Variants in PRKAG2 observed in about 807,000 individuals in gnomAD.
The protein encoded by PRKAG2 is 5'-AMP-activated protein kinase subunit gamma-2.
PRKAG2 carries 26 observed loss-of-function variants against 69.6 expected under a neutral mutation model. The ratio of observed to expected loss-of-function variants is 0.37; its 90% CI spans 0.27 to 0.52. The LOEUF (loss-of-function observed/expected upper bound fraction) is 0.52, where lower values mean the gene tolerates loss of function less well. Ranked by LOEUF, PRKAG2 falls within the 20% of genes least tolerant of loss-of-function variation. PRKAG2 has a pLI of 0.90. For missense variants in PRKAG2, 557 were observed against 740.0 expected, an observed-to-expected ratio of 0.75 and a Z score of 2.87; for synonymous variants, 293 against 285.0, an observed-to-expected ratio of 1.03 and a Z score of -0.28.
chr7:151,688,971 C>A (rs1406696488), intron 3 of PRKAG2, among the ~76,000 whole-genome samples: 1 of 152,130 alleles, frequency 6.6e-6, no homozygotes, highest in Non-Finnish European at 1.5e-5. Context: ...CCATTTTGCA[C>A]CCTGAACCTC....
In PRKAG2 at chr7:151,875,904, C is replaced by A. The variant is rs376683306; in HGVS notation, c.114+603G>T. Among the ~76,000 whole-genome samples the A allele has an allele frequency of 3.4e-3, 517 of 152,150 alleles. 1 individual carries two copies. Among genetic ancestry groups the A allele is most frequent in the African/African-American group, 0.012 (486 of 41,514 alleles). The stretch of plus-strand genomic sequence containing the variant: ...CCGAGCCCCCAAATACCACAGAGAC[C>A]CAAAGTACACTCCCGGGGCGGGGGA... On this transcript the variant is annotated intron_variant, in intron 1 of 15. Coordinates refer to ENST00000287878, the MANE Select transcript of PRKAG2 (RefSeq NM_016203.4).
At chr7:151,868,987 A>T (rs1278757903) in intron 1 of PRKAG2, among the ~76,000 whole-genome samples, 4 of 152,252 alleles carry the variant, frequency 2.6e-5, no homozygotes, top group Non-Finnish European at 4.4e-5. Flanking sequence ...GCAAATAAAA[A>T]GTGCTTCCAA....
At chr7:151,738,953 T>C (rs2073670970) in intron 3 of PRKAG2, among the ~76,000 whole-genome samples, 1 of 152,062 alleles carries the variant, frequency 6.6e-6, no homozygotes, top group African/African-American at 2.4e-5. Context: ...CCAAGGGAAG[T>C]CTTCCATTCT....
chr7:151,728,040 G>A (rs942687490), intron 3 of PRKAG2, among the ~76,000 whole-genome samples: 6 of 152,126 alleles, frequency 3.9e-5, no homozygotes, highest in African/African-American at 7.2e-5. Flanking sequence ...CCGGGGGCCC[G>A]TCCTCCGTGG....
At chr7:151,586,498 G>C (rs532670572) in intron 6 of PRKAG2, among the ~76,000 whole-genome samples, 2 of 152,084 alleles carry the variant, frequency 1.3e-5, no homozygotes, top group Admixed American at 6.5e-5. Context: ...CCAATATCAC[G>C]AACAGGTTAG....
At chr7:151,570,580 A>T (rs570814070) in intron 9 of PRKAG2, among the ~76,000 whole-genome samples, 2 of 152,368 alleles carry the variant, frequency 1.3e-5, no homozygotes, top group East Asian at 3.9e-4. Flanking sequence ...TGAAGCAATT[A>T]TGAAATTTAA....
At chr7:151,703,598 C>T (rs1401284135) in intron 3 of PRKAG2, among the ~76,000 whole-genome samples, 1 of 152,084 alleles carries the variant, frequency 6.6e-6, no homozygotes, top group Non-Finnish European at 1.5e-5. Context: ...TCCATGTAAC[C>T]AGCACCCAGA....
chr7:151,612,974 TG>T (rs1253204551), intron 5 of PRKAG2, among the ~76,000 whole-genome samples: 1 of 152,146 alleles, frequency 6.6e-6, no homozygotes, highest in Non-Finnish European at 1.5e-5. Flanking sequence ...CTGCCTCCTC[TG>T]GGGGCTCCTC....
At chr7:151,793,276 G>A (rs902421073) in intron 1 of PRKAG2, among the ~76,000 whole-genome samples, 20 of 152,300 alleles carry the variant, frequency 1.3e-4, no homozygotes, top group East Asian at 3.9e-4. Flanking sequence ...GTCTCGGGGC[G>A]TGCACCGCCG....
chr7:151,725,223 C>T lies in PRKAG2; in HGVS notation c.467-49586G>A, dbSNP rs182826275. On this transcript the variant is annotated intron_variant, in intron 3 of 15. Transcript: ENST00000287878. ...GCCTTAAAAAAGAGGGGGATCCTGCCACCCGCCACCCACACACACGAAGGA... is the reference window on the plus strand; with the variant it reads ...GCCTTAAAAAAGAGGGGGATCCTGCTACCCGCCACCCACACACACGAAGGA... 3.7e-3 allele frequency among the ~76,000 whole-genome samples: 556 copies of T among 152,230 alleles called. 1 individual carries two copies. Among genetic ancestry groups the T allele is most frequent in the African/African-American group, 0.013 (541 of 41,552 alleles).
At chr7:151,688,042 G>GCTCCCCCC (rs1554539801) in intron 3 of PRKAG2, among the ~76,000 whole-genome samples, 1 of 106,980 alleles carries the variant, frequency 9.3e-6, no homozygotes, top group Non-Finnish European at 2.0e-5. Context: ...AGGAAATGAG[G>GCTCCCCCC]CCCCCCCCCG....
chr7:151,681,052 C>T (rs1833812424), intron 3 of PRKAG2, among the ~76,000 whole-genome samples: 1 of 152,180 alleles, frequency 6.6e-6, no homozygotes, highest in Non-Finnish European at 1.5e-5. Context: ...CCCTCCCCAC[C>T]CCCTGCCGAG....
intron 4 of PRKAG2, among the ~76,000 whole-genome samples, chr7:151,669,873 CACACACAGT>C (rs1831610694): frequency 2.4e-4 from 1 of 4,090 alleles, no homozygotes; most frequent in African/African-American, 9.0e-4. Flanking sequence ...TACATACTTG[CACACACAGT>C]TGCATGCACA....
intron 14 of PRKAG2, among the ~76,000 whole-genome samples, chr7:151,563,433 AAG>A (rs1219607747): frequency 6.6e-6 from 1 of 152,240 alleles, no homozygotes; most frequent in African/African-American, 2.4e-5. Context: ...TACTGGTGGG[AAG>A]AGAGAAAAAA....
chr7:151,823,153 C>A (rs1486413602), intron 1 of PRKAG2, among the ~76,000 whole-genome samples: 2 of 151,970 alleles, frequency 1.3e-5, no homozygotes, highest in East Asian at 3.9e-4. Flanking sequence ...CCCCTCTCAG[C>A]ACAGCCGCCT....
In PRKAG2 at chr7:151,719,715, C is replaced by T. The variant is rs6945529; in HGVS notation, c.467-44078G>A. 1.1e-4 allele frequency among the ~76,000 whole-genome samples: 17 copies of T among 152,136 alleles called. 1 individual carries two copies. Among genetic ancestry groups the T allele is most frequent in the African/African-American group, 4.1e-4 (17 of 41,442 alleles). ...ACCACTGTCTTGCGATGGGCACTGT[C>T]ACTCCCACCTGGCTTCCCAGAGCCT... On this transcript the variant is annotated intron_variant, in intron 3 of 15. Transcript: ENST00000287878. This position sits in a 1 kb window ranked among gnomAD's most constrained non-coding sequence, Gnocchi z 5.2.
rs1227795408 is a variant in PRKAG2 at position 151,612,259 on chromosome 7, G to A, written c.755-16805C>T. ...TGCCCGCAGGTTTGGGAGCCGCTGAGTGCACTGCAGAGTGAGCGTCAGCTA... is the reference window on the plus strand; with the variant it reads ...TGCCCGCAGGTTTGGGAGCCGCTGAATGCACTGCAGAGTGAGCGTCAGCTA... On this transcript the variant is annotated intron_variant, in intron 5 of 15. Coordinates refer to ENST00000287878, the MANE Select transcript of PRKAG2 (RefSeq NM_016203.4). Among the ~76,000 whole-genome samples the A allele has an allele frequency of 2.0e-5, 3 of 152,200 alleles. No individual in the cohort carries two copies. In the East Asian group the frequency reaches 5.8e-4, roughly 29 times the overall value.
At chr7:151,838,840 C>A (rs950642939) in intron 1 of PRKAG2, among the ~76,000 whole-genome samples, 1 of 151,412 alleles carries the variant, frequency 6.6e-6, no homozygotes, top group Admixed American at 6.6e-5. Context: ...CATGGTGAAA[C>A]CCCATCTCTA....
At chr7:151,766,848 T>C (rs2075757881) in intron 3 of PRKAG2, among the ~76,000 whole-genome samples, 1 of 152,208 alleles carries the variant, frequency 6.6e-6, no homozygotes, top group South Asian at 2.1e-4. Context: ...ATTCAGCACA[T>C]CAATCGTGGA....
Sources: allele counts gnomAD v4.1 joint callset (sites outside exome capture counted in the v4.1 genomes callset), GRCh38; gene constraint gnomAD v4.1.1; non-coding constraint Gnocchi (gnomAD v3.1); transcripts MANE v1.5; gene names NCBI Gene and HGNC (gene_info 2026-07-23, HGNC 2026-07-21).